Variants in LCORL observed in about 807,000 individuals in gnomAD.
The protein encoded by LCORL is ligand-dependent nuclear receptor corepressor-like protein.
Under a neutral mutation model 141.8 loss-of-function variants are expected in LCORL, and 41 were observed. The ratio of observed to expected loss-of-function variants is 0.29; its 90% CI spans 0.23 to 0.38. The LOEUF is 0.38. LCORL is among the 10% of genes least tolerant of loss of function. The pLI is 1.00. For synonymous variants in LCORL, 618 were observed against 694.1 expected (o/e 0.89, Z 1.72); for missense variants, 1,759 against 2,035.0 (o/e 0.86, Z 2.61).
At chr4:17,913,477 C>T (rs906256615) in intron 4 of LCORL, among the ~76,000 whole-genome samples, 14 of 152,176 alleles carry the variant, frequency 9.2e-5, no homozygotes, top group African/African-American at 2.9e-4. Context: ...CAAAGCAGAC[C>T]GGTTAAGAGC....
chr4:17,947,318 T>C lies in LCORL; in HGVS notation c.430+14585A>G, dbSNP rs551740462. 3.3e-5 allele frequency among the ~76,000 whole-genome samples: 5 copies of C among 152,078 alleles called. No homozygotes were observed. The South Asian group carries it at 1.0e-3, about 32-fold the overall frequency. On this transcript the variant is annotated intron_variant, in intron 4 of 7. Coordinates refer to ENST00000635767, the Ensembl canonical transcript of LCORL. The stretch of plus-strand genomic sequence containing the variant: ...TAAATATTGCATGTCTTCACTTATA[T>C]GTGAAATCCAGGAGAATCAAATTCA...
intron 4 of LCORL, among the ~76,000 whole-genome samples, chr4:17,928,502 A>C (rs1735512293): frequency 6.6e-6 from 1 of 152,218 alleles, no homozygotes; most frequent in African/African-American, 2.4e-5. Context: ...TAATCTCCAT[A>C]CATGTAGAGA....
intron 1 of LCORL, among the ~76,000 whole-genome samples, chr4:18,013,006 C>T (rs908264226): frequency 2.0e-5 from 3 of 152,194 alleles, no homozygotes; most frequent in Non-Finnish European, 2.9e-5. Flanking sequence ...ATCTTAATTA[C>T]TTTCTAACCT....
chr4:17,895,367 G>A (rs553191804), intron 5 of LCORL, among the ~76,000 whole-genome samples: 22 of 151,952 alleles, frequency 1.4e-4, no homozygotes, highest in African/African-American at 5.3e-4. Context: ...CTATGAGATC[G>A]ACTTTATTTA....
intron 4 of LCORL, among the ~76,000 whole-genome samples, chr4:17,933,686 G>A (rs61604053): frequency 1.3e-5 from 2 of 151,892 alleles, no homozygotes; most frequent in South Asian, 2.1e-4. Flanking sequence ...TTTGTTTTTA[G>A]AGAGAATTTC....
intron 4 of LCORL, among the ~76,000 whole-genome samples, chr4:17,955,925 T>C (rs947379360): frequency 1.3e-5 from 2 of 152,080 alleles, no homozygotes; most frequent in South Asian, 2.1e-4. Context: ...GGTCTATACA[T>C]TGAAGGCTGC....
At chr4:18,014,436 T>A (rs891532059) in intron 1 of LCORL, among the ~76,000 whole-genome samples, 1 of 151,994 alleles carries the variant, frequency 6.6e-6, no homozygotes, top group Admixed American at 6.6e-5. Context: ...ATGCAGACAC[T>A]GATATAAACC....
At position 17,944,517 on chromosome 4, in the gene LCORL, C is replaced by T. The variant is rs111582637; in HGVS notation, c.430+17386G>A. 7.7e-3 allele frequency among the ~76,000 whole-genome samples: 1,176 copies of T among 152,166 alleles called. 11 individuals are homozygous for T. The highest frequency in any genetic ancestry group is 0.027 in the African/African-American group (1,113 of 41,504). On this transcript the variant is annotated intron_variant, in intron 4 of 7. Transcript: ENST00000635767. The stretch of plus-strand genomic sequence containing the variant: ...TACTTTGTTGCTCAAATTGTTGCAA[C>T]TCTGGCCATCAGGAGCTCTTTCAGG...
At chr4:17,855,225 T>G (rs1470456831) in intron 7 of LCORL, among the ~76,000 whole-genome samples, 1 of 152,108 alleles carries the variant, frequency 6.6e-6, no homozygotes, top group Non-Finnish European at 1.5e-5. Context: ...CCCTTGGCCA[T>G]GTAAGAACAA....
exon 6 of LCORL, chr4:17,886,126 T>C (rs1169915199): frequency 6.2e-7 from 1 of 1,606,242 alleles, no homozygotes; most frequent in Non-Finnish European, 8.5e-7. Context: ...GATTTTATGC[T>C]GGTTTTCTTT....
intron 4 of LCORL, among the ~76,000 whole-genome samples, chr4:17,954,023 T>A (rs1712039671): frequency 6.6e-6 from 1 of 151,648 alleles, no homozygotes; most frequent in South Asian, 2.1e-4. Flanking sequence ...ATTAGCCAGG[T>A]GTGGTGGCGG....
intron 2 of LCORL, among the ~76,000 whole-genome samples, chr4:17,964,849 A>G (rs1714552816): frequency 6.7e-6 from 1 of 149,512 alleles, no homozygotes; most frequent in African/African-American, 2.5e-5. Context: ...CTGATAGGTC[A>G]AGGAAATCTT....
intron 7 of LCORL, among the ~76,000 whole-genome samples, chr4:17,868,959 CTT>C (rs1409120220): frequency 1.3e-5 from 2 of 151,998 alleles, no homozygotes; most frequent in African/African-American, 2.4e-5. Flanking sequence ...TTGATTACCT[CTT>C]GATTCACAGA....
intron 4 of LCORL, among the ~76,000 whole-genome samples, chr4:17,934,365 A>T (rs1332131837): frequency 2.0e-5 from 3 of 152,118 alleles, no homozygotes; most frequent in African/African-American, 7.2e-5. Context: ...TTCTTTTATA[A>T]ACCTAGATCT....
chr4:17,904,358 C>A (rs532155728), intron 5 of LCORL, among the ~76,000 whole-genome samples: 1 of 152,170 alleles, frequency 6.6e-6, no homozygotes, highest in African/African-American at 2.4e-5. Flanking sequence ...ACATCAGTTA[C>A]AGATGAGGCT....
chr4:17,982,839 C>A (rs6810665), intron 1 of LCORL, among the ~76,000 whole-genome samples: 35,846 of 151,998 alleles, frequency 0.24, 5,354 homozygotes, highest in African/African-American at 0.42. Context: ...AATCTTTGCC[C>A]GTGCCTATGT....
chr4:18,021,133 G>A lies in LCORL; in HGVS notation c.154+465C>T, dbSNP rs1283758294. Reference sequence around the variant, plus strand: ...CGCGTCTGCTCACCCGGCCCCCGGCGGCGACAAGGGGGTGTGTGTGCGCTC... The same window carrying A: ...CGCGTCTGCTCACCCGGCCCCCGGCAGCGACAAGGGGGTGTGTGTGCGCTC... On this transcript the variant is annotated intron_variant, in intron 1 of 7. Transcript: ENST00000635767. This position sits in a 1 kb window ranked among gnomAD's most constrained non-coding sequence, Gnocchi z 5.5. Among the ~76,000 whole-genome samples, 1 of 151,968 alleles carries A rather than the reference G, an allele frequency of 6.6e-6. No individual in the cohort carries two copies. The highest frequency in any genetic ancestry group is 1.9e-4 in the East Asian group (1 of 5,146).
chr4:17,891,718 ATT>A (rs1184484674), intron 5 of LCORL, among the ~76,000 whole-genome samples: 1 of 152,216 alleles, frequency 6.6e-6, no homozygotes, highest in African/African-American at 2.4e-5. Context: ...ACGATATAAA[ATT>A]TGATATACAG....
chr4:17,956,809 A>C (rs1283715641), intron 4 of LCORL, among the ~76,000 whole-genome samples: 1 of 152,096 alleles, frequency 6.6e-6, no homozygotes, highest in East Asian at 1.9e-4. Context: ...CTCAACACAA[A>C]AATAACTATT....
Sources: allele counts gnomAD v4.1 joint callset (sites outside exome capture counted in the v4.1 genomes callset), GRCh38; gene constraint gnomAD v4.1.1; non-coding constraint Gnocchi (gnomAD v3.1); transcripts MANE v1.5; gene names NCBI Gene and HGNC (gene_info 2026-07-23, HGNC 2026-07-21).